The following CHRNA7 variants were observed in gnomAD, a reference collection of about 807,000 sequenced individuals.
The protein encoded by CHRNA7 is neuronal acetylcholine receptor subunit alpha-7.
In CHRNA7, 17 loss-of-function variants were observed where a neutral mutation model predicts 48.0. That is an observed-to-expected ratio of 0.35 (90% CI 0.24 to 0.53). CHRNA7 has a LOEUF of 0.53. CHRNA7 is among the 20% of genes least tolerant of loss of function. The probability of loss-of-function intolerance (pLI) is 0.92; values close to 1 mark genes in which losing one functional copy is unlikely to be tolerated. For missense variants in CHRNA7, 155 were observed against 577.7 expected (o/e 0.27, Z 7.50); for synonymous variants, 75 against 242.3 (o/e 0.31, Z 6.41).
In CHRNA7 at chr15:32,143,258, T is replaced by C. The variant is rs569368050; in HGVS notation, c.351-10649T>C. Among the ~76,000 whole-genome samples the C allele has an allele frequency of 5.9e-5, 9 of 152,366 alleles. No individual in the cohort carries two copies. In the East Asian group the frequency reaches 1.2e-3, roughly 20 times the overall value. On this transcript the variant is annotated intron_variant, in intron 4 of 9. Coordinates refer to ENST00000306901, the MANE Select transcript of CHRNA7 (RefSeq NM_000746.6). ...GAGTGAGTTTCTTAATCTTGAGTTC[T>C]AATTTGATTGCACTGTGGTCTGAGA...
intron 2 of CHRNA7, chr15:32,098,871 A>AACATAC: frequency 7.5e-6 from 1 of 133,056 alleles, no homozygotes; most frequent in Non-Finnish European, 1.6e-5. Flanking sequence ...CCCCCCCACC[A>AACATAC]ACACACACAC....
chr15:32,090,825 C>A (rs1470584442), intron 2 of CHRNA7, among the ~76,000 whole-genome samples: 1 of 152,120 alleles, frequency 6.6e-6, no homozygotes. Flanking sequence ...AATTTCTCAG[C>A]CATTATTTCT....
At chr15:32,106,382 T>TA (rs989536329) in intron 3 of CHRNA7, among the ~76,000 whole-genome samples, 68 of 152,058 alleles carry the variant, frequency 4.5e-4, no homozygotes, top group African/African-American at 1.4e-3. Context: ...GGCAGAAAGG[T>TA]AAAAAAAAGA....
chr15:32,095,285 GA>G (rs1388886436), intron 2 of CHRNA7, among the ~76,000 whole-genome samples: 2 of 152,200 alleles, frequency 1.3e-5, no homozygotes, highest in African/African-American at 4.8e-5. Context: ...GCAGCTCTCA[GA>G]CATCCAGGCT....
At chr15:32,086,855 A>G (rs780920446) in intron 2 of CHRNA7, among the ~76,000 whole-genome samples, 8 of 152,190 alleles carry the variant, frequency 5.3e-5, no homozygotes, top group Non-Finnish European at 1.0e-4. Context: ...AGAGTATTAT[A>G]TGTTATCATA....
At chr15:32,102,691 C>T (rs1218709609) in intron 3 of CHRNA7, 1 of 152,140 alleles carries the variant, frequency 6.6e-6, no homozygotes, top group Non-Finnish European at 1.5e-5. Flanking sequence ...GTTCATGTAT[C>T]CACAGATGAC....
chr15:32,047,578 C>T (rs2049575918), intron 2 of CHRNA7, among the ~76,000 whole-genome samples: 1 of 152,132 alleles, frequency 6.6e-6, no homozygotes, highest in Non-Finnish European at 1.5e-5. Context: ...TGGGCTGAGA[C>T]AATGGGGTTT....
chr15:32,100,239 T>C (rs1388805601), intron 2 of CHRNA7: 1 of 152,024 alleles, frequency 6.6e-6, no homozygotes, highest in Non-Finnish European at 1.5e-5. Flanking sequence ...GCCAAGTAGA[T>C]TCTATTGCGG....
In CHRNA7 at chr15:32,030,536, G is replaced by C. The variant is rs1301936842; in HGVS notation, c.-59G>C. 1 of 1,399,974 alleles carries C rather than the reference G, an allele frequency of 7.1e-7. No homozygotes were observed. Among genetic ancestry groups the C allele is most frequent in the Non-Finnish European group, 9.2e-7 (1 of 1,082,542 alleles). 86.7% of individuals were successfully genotyped at this position (1,399,974 alleles called of 1,614,324 possible). ...AGGTGCCTCTGTGGCCGCAGGCGCA[G>C]GCCCGGGCGACAGCCGAGACGTGGA... On this transcript the variant is annotated 5_prime_UTR_variant, in exon 1 of 10. Coordinates refer to ENST00000306901, the MANE Select transcript of CHRNA7 (RefSeq NM_000746.6).
chr15:32,112,388 A>G (rs2050777281), intron 4 of CHRNA7: 1 of 456,742 alleles, frequency 2.2e-6, no homozygotes, highest in African/African-American at 2.0e-5. Context: ...TGTCATCTCT[A>G]GCTGCATGCA....
At chr15:32,058,210 C>T (rs928282248) in intron 2 of CHRNA7, among the ~76,000 whole-genome samples, 18 of 152,178 alleles carry the variant, frequency 1.2e-4, no homozygotes, top group African/African-American at 4.3e-4. Flanking sequence ...CTGAAACATG[C>T]AGGGTTGTTC....
intron 2 of CHRNA7, among the ~76,000 whole-genome samples, chr15:32,039,412 C>T (rs1208196877): frequency 6.6e-6 from 1 of 152,084 alleles, no homozygotes; most frequent in Non-Finnish European, 1.5e-5. Context: ...TAGATTTTCG[C>T]TTAAGGACTT....
intron 3 of CHRNA7, among the ~76,000 whole-genome samples, chr15:32,108,466 G>A (rs537897111): frequency 1.8e-4 from 28 of 152,312 alleles, no homozygotes; most frequent in African/African-American, 5.5e-4. Context: ...CCCTGTTCCC[G>A]AGGGACCTAG....
intron 2 of CHRNA7, among the ~76,000 whole-genome samples, chr15:32,046,785 G>A (rs1240627728): frequency 1.3e-5 from 2 of 151,936 alleles, no homozygotes; most frequent in Non-Finnish European, 2.9e-5. Context: ...TTTTCTTCTA[G>A]GGTTTTTATG....
chr15:32,035,851 C>G (rs989033291), intron 2 of CHRNA7, among the ~76,000 whole-genome samples: 2 of 152,296 alleles, frequency 1.3e-5, no homozygotes, highest in Middle Eastern at 6.8e-3. Context: ...AGATTTCCCA[C>G]AGCTTCCTCA....
At chr15:32,101,534 A>G (rs2050573257) in intron 3 of CHRNA7, 187 bp downstream of exon 3, 2 of 637,914 alleles carry the variant, frequency 3.1e-6, no homozygotes, top group South Asian at 2.2e-5. Flanking sequence ...GTATGACACT[A>G]CAGTCTGCAG....
At chr15:32,077,481 G>A (rs1440205372) in intron 2 of CHRNA7, among the ~76,000 whole-genome samples, 4 of 152,128 alleles carry the variant, frequency 2.6e-5, no homozygotes, top group Non-Finnish European at 5.9e-5. Context: ...GTTCTGGATT[G>A]TGGCCATTTC....
chr15:32,084,311 T>C (rs747214323), intron 2 of CHRNA7, among the ~76,000 whole-genome samples: 2 of 152,224 alleles, frequency 1.3e-5, no homozygotes, highest in Admixed American at 1.3e-4. Flanking sequence ...GTAATTTACA[T>C]AGGGCTCTCT....
chr15:32,128,435 A>C (rs945240227), intron 4 of CHRNA7, among the ~76,000 whole-genome samples: 1 of 151,798 alleles, frequency 6.6e-6, no homozygotes. Flanking sequence ...CTCTTATTTC[A>C]ATCTTCTATG....
Sources: allele counts gnomAD v4.1 joint callset (sites outside exome capture counted in the v4.1 genomes callset), GRCh38; gene constraint gnomAD v4.1.1; transcripts MANE v1.5; gene names NCBI Gene and HGNC (gene_info 2026-07-23, HGNC 2026-07-21).